TAFA2: variants seen among roughly 807,000 people sequenced by gnomAD.
TAFA2 encodes the protein chemokine-like protein TAFA-2.
In TAFA2, 7 loss-of-function variants were observed where a neutral mutation model predicts 18.8. The ratio of observed to expected loss-of-function variants is 0.37; its 90% confidence interval spans 0.21 to 0.70. The LOEUF (loss-of-function observed/expected upper bound fraction) is 0.70. TAFA2 is among the 30% of genes least tolerant of loss of function. The pLI, the probability that TAFA2 is intolerant of heterozygous loss-of-function variation, is 0.53. For missense variants in TAFA2, 122 were observed against 158.1 expected, an observed-to-expected ratio of 0.77 and a Z score of 1.23; for synonymous variants, 60 against 54.2, an observed-to-expected ratio of 1.11 and a Z score of -0.47.
At chr12:62,090,052 G>A (rs1868644030) in intron 1 of TAFA2, among the ~76,000 whole-genome samples, 2 of 152,006 alleles carry the variant, frequency 1.3e-5, no homozygotes, top group Non-Finnish European at 2.9e-5. Context: ...CCTGAATATT[G>A]TGAGCCACAC....
chr12:61,784,270 T>C (rs1341820082), intron 2 of TAFA2, among the ~76,000 whole-genome samples: 3 of 151,498 alleles, frequency 2.0e-5, no homozygotes, highest in Non-Finnish European at 3.0e-5. Flanking sequence ...CATTTGAAGT[T>C]AGGGTGACAG....
chr12:62,218,977 A>G (rs1305867115), intron 1 of TAFA2, among the ~76,000 whole-genome samples: 2 of 152,202 alleles, frequency 1.3e-5, no homozygotes, highest in Non-Finnish European at 2.9e-5. Flanking sequence ...AAATGACAAT[A>G]TAAGAAAACT....
intron 1 of TAFA2, among the ~76,000 whole-genome samples, chr12:62,125,474 T>C (rs1215851159): frequency 1.3e-5 from 2 of 152,134 alleles, no homozygotes; most frequent in Non-Finnish European, 2.9e-5. Flanking sequence ...CATCTTACCG[T>C]CGTGAAGAAT....
At position 61,894,931 on chromosome 12, in the gene TAFA2, A is replaced by G. The variant is rs183439897; in HGVS notation, c.-1-27505T>C. Among the ~76,000 whole-genome samples the G allele has an allele frequency of 1.7e-4, 26 of 152,320 alleles. No homozygotes were observed. In the East Asian group the frequency reaches 4.6e-3, roughly 27 times the overall value. ...GGTTATGTATCGATTTACACTGTCC[A>G]GGCTAAACAGGCCTCTTTCTCAGCA... On this transcript the variant is annotated intron_variant, in intron 1 of 4. Transcript: ENST00000416284.
At chr12:62,042,165 T>C (rs10784278) in intron 1 of TAFA2, among the ~76,000 whole-genome samples, 1 of 151,872 alleles carries the variant, frequency 6.6e-6, no homozygotes, top group Middle Eastern at 3.4e-3. Context: ...CACCCCTTCA[T>C]GGGGAGTCGT....
intron 1 of TAFA2, among the ~76,000 whole-genome samples, chr12:62,026,389 C>T (rs1194418831): frequency 6.6e-6 from 1 of 152,072 alleles, no homozygotes; most frequent in African/African-American, 2.4e-5. Flanking sequence ...AGGGCAAACC[C>T]ATGATGGATT....
In TAFA2 at chr12:62,224,227, A is replaced by G. The variant is rs1047287349; in HGVS notation, c.-130+34536T>C. On this transcript the variant is annotated intron_variant, in intron 1 of 5. Coordinates refer to the TAFA2 transcript ENST00000551619. ...AAGTCCATACAAATGCTTCATAAGC[A>G]TAAGCATTTGTATGATTCCACCTGT... Among the ~76,000 whole-genome samples, 8 of 152,192 alleles carry G rather than the reference A, an allele frequency of 5.3e-5. No individual in the cohort carries two copies. In the East Asian group the frequency reaches 1.5e-3, roughly 29 times the overall value.
intron 1 of TAFA2, among the ~76,000 whole-genome samples, chr12:62,030,875 A>G (rs941012954): frequency 1.3e-5 from 2 of 152,150 alleles, no homozygotes; most frequent in Non-Finnish European, 2.9e-5. Flanking sequence ...GGGTTTCAGA[A>G]GTAGGAGTAA....
chr12:62,196,733 C>T (rs371409911), upstream of TAFA2, among the ~76,000 whole-genome samples: 25 of 152,076 alleles, frequency 1.6e-4, no homozygotes, highest in East Asian at 9.7e-4. Flanking sequence ...AAGAATAATA[C>T]AAAAAGTCTG....
chr12:61,776,963 G>A (rs7486563), intron 2 of TAFA2, among the ~76,000 whole-genome samples: 75,236 of 151,576 alleles, frequency 0.5, 18,790 homozygotes, highest in Admixed American at 0.56. Flanking sequence ...GGGAAAAAAC[G>A]TAAGACATAG....
chr12:61,954,385 G>T (rs1454832136), intron 1 of TAFA2, among the ~76,000 whole-genome samples: 1 of 152,110 alleles, frequency 6.6e-6, no homozygotes, highest in Non-Finnish European at 1.5e-5. Context: ...ATTTTCAGGG[G>T]AGGGTAGAAC....
intron 3 of TAFA2, among the ~76,000 whole-genome samples, chr12:61,754,055 T>G (rs1226523312): frequency 6.6e-6 from 1 of 152,018 alleles, no homozygotes; most frequent in African/African-American, 2.4e-5. Flanking sequence ...GATTTTCATG[T>G]GAAAATAGAC....
intron 1 of TAFA2, among the ~76,000 whole-genome samples, chr12:61,934,941 GAACAC>G: frequency 6.6e-6 from 1 of 152,236 alleles, no homozygotes; most frequent in Middle Eastern, 3.4e-3. Context: ...ATAAAGTGAA[GAACAC>G]ATATATCTCA....
intron 1 of TAFA2, among the ~76,000 whole-genome samples, chr12:62,163,820 TA>T (rs1371512972): frequency 1.3e-5 from 2 of 151,816 alleles, no homozygotes; most frequent in East Asian, 1.9e-4. Context: ...CTGGACAAAG[TA>T]AAAAAAATAG....
chr12:61,986,458 C>T (rs1407977560), intron 1 of TAFA2, among the ~76,000 whole-genome samples: 1 of 151,634 alleles, frequency 6.6e-6, no homozygotes, highest in Non-Finnish European at 1.5e-5. Context: ...ACCACCACAC[C>T]CAGCTAATTT....
At chr12:61,878,376 C>T (rs940645096) in intron 1 of TAFA2, among the ~76,000 whole-genome samples, 2 of 152,154 alleles carry the variant, frequency 1.3e-5, no homozygotes, top group Non-Finnish European at 2.9e-5. Flanking sequence ...ATGGGAACAG[C>T]TCTGCTCATT....
chr12:62,158,890 A>C (rs1397155630), intron 1 of TAFA2, among the ~76,000 whole-genome samples: 1 of 152,232 alleles, frequency 6.6e-6, no homozygotes, highest in East Asian at 1.9e-4. Flanking sequence ...AAAAGGCATC[A>C]GAAGAGGCAT....
intron 1 of TAFA2, among the ~76,000 whole-genome samples, chr12:62,114,061 C>G (rs1363739201): frequency 6.6e-6 from 1 of 152,206 alleles, no homozygotes; most frequent in African/African-American, 2.4e-5. Context: ...CCTGCAGCAG[C>G]TCGGTGTCTG....
chr12:62,194,349 C>T (rs1239561366), upstream of TAFA2, among the ~76,000 whole-genome samples: 1 of 150,728 alleles, frequency 6.6e-6, no homozygotes, highest in Admixed American at 6.6e-5. Flanking sequence ...ATAAAGCATA[C>T]ATTATAATCT....
Sources: gnomAD v4.1 joint callset for allele counts (sites outside exome capture counted in the v4.1 genomes callset) on GRCh38, gnomAD v4.1.1 for gene constraint, MANE v1.5 for transcripts, NCBI Gene and HGNC (gene_info 2026-07-23, HGNC 2026-07-21) for gene names.